Variants in ARL14EPL observed in about 807,000 individuals in gnomAD.
ARL14EPL encodes the protein ARL14 effector protein-like.
ARL14EPL carries 17 observed loss-of-function variants against 15.9 expected under a neutral mutation model. That is an observed-to-expected ratio of 1.07 (90% CI 0.73 to 1.60). ARL14EPL has a LOEUF of 1.60. Among genes scored for constraint, ARL14EPL ranks in the 40% most tolerant of loss-of-function variants. The pLI is 0.00. For missense variants in ARL14EPL, 214 were observed against 185.9 expected, an observed-to-expected ratio of 1.15 and a Z score of -0.88; for synonymous variants, 78 against 63.8, an observed-to-expected ratio of 1.22 and a Z score of -1.06.
rs552154350 is a variant in ARL14EPL at position 116,036,461 on chromosome 5, G to A, written c.-10+3956G>A. Among the ~76,000 whole-genome samples, 9 of 152,240 alleles carry A rather than the reference G, an allele frequency of 5.9e-5. No individual in the cohort carries two copies. The East Asian group carries it at 1.5e-3, about 26-fold the overall frequency. ...TATAAGAATAGTTAAATTTGGACTC[G>A]TTCTGACAAGAAACTTTAGGTAAAT... On this transcript the variant is annotated intron_variant, in intron 1 of 3. Coordinates refer to ENST00000686077, the MANE Select transcript of ARL14EPL (RefSeq NM_001195581.2).
At chr5:116,040,665 A>G (rs915466831) in intron 1 of ARL14EPL, among the ~76,000 whole-genome samples, 1 of 151,664 alleles carries the variant, frequency 6.6e-6, no homozygotes. Flanking sequence ...ATTAAACTGA[A>G]TATTATTTCA....
chr5:116,053,889 CTT>C, intron 2 of ARL14EPL, 123 bp from the exon 3 acceptor site: 1 of 741,488 alleles, frequency 1.3e-6, no homozygotes, highest in Non-Finnish European at 2.0e-6. Context: ...TCGTTTATGT[CTT>C]TGTGTAAAAC....
chr5:116,042,322 T>C (rs1267152677), intron 1 of ARL14EPL, among the ~76,000 whole-genome samples: 1 of 152,190 alleles, frequency 6.6e-6, no homozygotes, highest in Admixed American at 6.6e-5. Flanking sequence ...CCTTTTATCA[T>C]TGGCACATTG....
chr5:116,051,581 T>C lies in ARL14EPL; in HGVS notation c.96+20T>C. The C allele has an allele frequency of 1.3e-6, 2 of 1,507,576 alleles. No homozygotes were observed. The highest frequency in any genetic ancestry group is 1.8e-6 in the Non-Finnish European group (2 of 1,121,484). 93.4% of individuals were successfully genotyped at this position (1,507,576 alleles called of 1,614,324 possible). On this transcript the variant is annotated intron_variant, in intron 2 of 3. Coordinates refer to ENST00000686077, the MANE Select transcript of ARL14EPL (RefSeq NM_001195581.2). ...CAACTGGTATGGCACACAGATTCTA[T>C]GATTCCATGCTACTGGGGAGTGCCC...
At chr5:116,040,469 G>C (rs1057416704) in intron 1 of ARL14EPL, among the ~76,000 whole-genome samples, 2 of 151,742 alleles carry the variant, frequency 1.3e-5, no homozygotes, top group East Asian at 3.9e-4. Context: ...TTCTGGAAAA[G>C]AGAATAAAGG....
chr5:116,038,401 T>C lies in ARL14EPL; in HGVS notation c.-10+5896T>C, dbSNP rs192070155. Among the ~76,000 whole-genome samples the C allele has an allele frequency of 1.1e-3, 168 of 152,252 alleles. 1 individual carries two copies. Among genetic ancestry groups the C allele is most frequent in the Middle Eastern group, 3.4e-3 (1 of 294 alleles). ...CACAATGGTGATTTTAGACATACAC[T>C]GGGGAAAGCGTAAGTGGGTCCTGGA... is the stretch of plus-strand genomic sequence containing the variant. On this transcript the variant is annotated intron_variant, in intron 1 of 3. Coordinates refer to ENST00000686077, the MANE Select transcript of ARL14EPL (RefSeq NM_001195581.2).
chr5:116,056,097 G>T (rs559382540), intron 3 of ARL14EPL, among the ~76,000 whole-genome samples: 1 of 151,934 alleles, frequency 6.6e-6, no homozygotes, highest in Non-Finnish European at 1.5e-5. Flanking sequence ...GAGTAGTGCC[G>T]CAATAAACAT....
At chr5:116,057,798 G>A (rs1021122565) in intron 3 of ARL14EPL, among the ~76,000 whole-genome samples, 8 of 152,314 alleles carry the variant, frequency 5.3e-5, no homozygotes, top group African/African-American at 1.9e-4. Flanking sequence ...CATTGTGCCT[G>A]CTTAGGGACA....
At chr5:116,045,266 G>A (rs1749242686) in intron 1 of ARL14EPL, among the ~76,000 whole-genome samples, 1 of 152,164 alleles carries the variant, frequency 6.6e-6, no homozygotes, top group African/African-American at 2.4e-5. Flanking sequence ...ATTGGGATTT[G>A]GAAGAAAGAA....
intron 1 of ARL14EPL, among the ~76,000 whole-genome samples, chr5:116,046,883 A>C (rs976789583): frequency 2.0e-5 from 3 of 152,180 alleles, no homozygotes; most frequent in South Asian, 2.1e-4. Flanking sequence ...GAGGTAATTA[A>C]GTTTAAATGA....
At chr5:116,048,804 G>A (rs1040202283) in intron 1 of ARL14EPL, among the ~76,000 whole-genome samples, 3 of 152,112 alleles carry the variant, frequency 2.0e-5, no homozygotes, top group African/African-American at 7.2e-5. Context: ...ATACCAGAGG[G>A]ATGGGATATT....
At chr5:116,053,048 C>T (rs1160344989) in intron 2 of ARL14EPL, among the ~76,000 whole-genome samples, 1 of 152,230 alleles carries the variant, frequency 6.6e-6, no homozygotes, top group East Asian at 1.9e-4. Flanking sequence ...TCTTTCAGCT[C>T]AGGCCCCATC....
At chr5:116,052,072 C>T (rs1220833016) in intron 2 of ARL14EPL, 2 of 1,613,388 alleles carry the variant, frequency 1.2e-6, no homozygotes, top group Non-Finnish European at 8.5e-7. Flanking sequence ...TCTCAGAGAC[C>T]ACAGCTGGGG....
intron 1 of ARL14EPL, among the ~76,000 whole-genome samples, chr5:116,035,578 C>T (rs1749034876): frequency 6.6e-6 from 1 of 152,160 alleles, no homozygotes; most frequent in Admixed American, 6.5e-5. Context: ...GCAGGAACTA[C>T]AAGAAACAGC....
In ARL14EPL at chr5:116,058,791, A is replaced by G. The variant is rs979103649; in HGVS notation, c.303A>G (p.Leu101=). The part of the protein sequence containing the change: ...ICNDADLCDC[L]EKNCLGCFYP... The stretch of plus-strand genomic sequence containing the variant: ...ATGACGCTGATCTGTGTGATTGTCT[A>G]GAGAAGAACTGCCTGGGCTGCTTCT... Residue 101 remains leucine, a synonymous_variant, in exon 4 of 4, where the codon CTA becomes CTG. Coordinates refer to ENST00000686077, the MANE Select transcript of ARL14EPL (RefSeq NM_001195581.2). 4 of 1,535,844 alleles carry G rather than the reference A, an allele frequency of 2.6e-6. No individual in the cohort carries two copies. The highest frequency in any genetic ancestry group is 4.9e-5 in the East Asian group (2 of 40,928).
intron 1 of ARL14EPL, among the ~76,000 whole-genome samples, chr5:116,047,066 C>T (rs1398261344): frequency 1.3e-5 from 2 of 152,186 alleles, no homozygotes; most frequent in Admixed American, 6.5e-5. Context: ...GCACCTTGAT[C>T]TTGGACATCC....
Position 116,053,989 on chromosome 5 carries a change from A to C in ARL14EPL, c.97-25A>C, listed in dbSNP as rs139028897. The C allele has an allele frequency of 3.8e-4, 582 of 1,519,228 alleles. 2 individuals are homozygous for C. The African/African-American group carries it at 7.2e-3, about 19-fold the overall frequency. 94.1% of individuals were successfully genotyped at this position (1,519,228 alleles called of 1,614,324 possible). On this transcript the variant is annotated intron_variant, in intron 2 of 3. Transcript: ENST00000686077. The stretch of plus-strand genomic sequence containing the variant: ...CAGATAAAACTATCTGGTTCTTACT[A>C]TTAATACATTTATTTGTTTAATAGC...
At chr5:116,053,676 C>G (rs937682344) in intron 2 of ARL14EPL, among the ~76,000 whole-genome samples, 7 of 152,190 alleles carry the variant, frequency 4.6e-5, no homozygotes, top group African/African-American at 1.7e-4. Context: ...CATCCTTACC[C>G]ACATCAAATG....
chr5:116,051,993 G>T (rs930943589), intron 2 of ARL14EPL: 20 of 1,611,276 alleles, frequency 1.2e-5, no homozygotes. Flanking sequence ...TTTGAAACCA[G>T]TTTGATAAGT....
Sources: gnomAD v4.1 joint callset for allele counts (sites outside exome capture counted in the v4.1 genomes callset) on GRCh38, gnomAD v4.1.1 for gene constraint, MANE v1.5 for transcripts, NCBI Gene and HGNC (gene_info 2026-07-23, HGNC 2026-07-21) for gene names.